UBQLN4: variants seen among roughly 807,000 people sequenced by gnomAD.
The protein encoded by UBQLN4 is ubiquilin-4.
In UBQLN4, 11 loss-of-function variants were observed where a neutral mutation model predicts 60.4. That is an observed-to-expected ratio of 0.18 (90% confidence interval 0.11 to 0.30). The LOEUF is 0.30. UBQLN4 is among the 10% of genes least tolerant of loss of function. UBQLN4 has a pLI of 1.00. For synonymous variants in UBQLN4, 258 were observed against 313.1 expected, an observed-to-expected ratio of 0.82 and a Z score of 1.86; for missense variants, 417 against 795.5, an observed-to-expected ratio of 0.52 and a Z score of 5.72.
In UBQLN4 at chr1:156,048,331, C is replaced by A. The variant is rs1485827558; in HGVS notation, c.900+170G>T. On this transcript the variant is annotated intron_variant, in intron 5 of 10. Transcript: ENST00000368309. The surrounding 1 kb of genome is among the most constrained non-coding windows in gnomAD (Gnocchi z 4.9). ...GGACCTCTGCTTATATTTGTCCATGCCAAAATGGACCATCCCCGGATATGT... is the reference window on the plus strand; with the variant it reads ...GGACCTCTGCTTATATTTGTCCATGACAAAATGGACCATCCCCGGATATGT... Among the ~76,000 whole-genome samples the A allele has an allele frequency of 6.6e-6, 1 of 152,182 alleles. No homozygotes were observed. The highest frequency in any genetic ancestry group is 1.5e-5 in the Non-Finnish European group (1 of 68,020).
chr1:156,051,537 G>A (rs1683871755), intron 2 of UBQLN4, among the ~76,000 whole-genome samples, 169 bp downstream of exon 2: 1 of 152,136 alleles, frequency 6.6e-6, no homozygotes, highest in South Asian at 2.1e-4. Flanking sequence ...AGGGCATTCT[G>A]GGAATGGTAA....
intron 1 of UBQLN4, 113 bp from the exon 2 acceptor site, chr1:156,051,970 GA>G: frequency 2.2e-6 from 3 of 1,377,776 alleles, no homozygotes; most frequent in Non-Finnish European, 3.0e-6. Flanking sequence ...CTAGTCATGG[GA>G]AGTCCTTTCT....
rs988978252 is a variant in UBQLN4 at position 156,035,997 on chromosome 1, G to T, written c.*981C>A. On this transcript the variant is annotated 3_prime_UTR_variant, in exon 11 of 11. Transcript: ENST00000368309. ...GGGGGGCTCAAACTACTGGTGCCTGGGGACACAAGCAAGACCTGGGTCCAT... is the reference window on the plus strand; with the variant it reads ...GGGGGGCTCAAACTACTGGTGCCTGTGGACACAAGCAAGACCTGGGTCCAT... The T allele has an allele frequency of 9.1e-6, 9 of 985,706 alleles. No homozygotes were observed. Among genetic ancestry groups the T allele is most frequent in the Non-Finnish European group, 9.6e-6 (8 of 830,084 alleles). The allele number at this position is 985,706 out of a possible 1,614,324, so 61.1% of individuals were successfully genotyped here. A position where few individuals can be genotyped will look rare whatever the true frequency, so the allele number is the denominator to read the frequency against.
intron 7 of UBQLN4, chr1:156,042,515 G>A (rs902342411): frequency 2.7e-5 from 33 of 1,203,362 alleles, no homozygotes; most frequent in Middle Eastern, 2.9e-4. Flanking sequence ...TCTGTCACAC[G>A]CCATGTTCTA....
intron 5 of UBQLN4, among the ~76,000 whole-genome samples, chr1:156,046,545 T>TAA (rs59598606): frequency 7.7e-6 from 1 of 129,880 alleles, no homozygotes; most frequent in African/African-American, 2.9e-5. Flanking sequence ...AAGGTTGTAT[T>TAA]AAAAAAAAAA....
rs1353287814 is a variant in UBQLN4 at position 156,036,046 on chromosome 1, T to C, written c.*932A>G. 1.4e-5 allele frequency: 14 copies of C among 985,498 alleles called. No homozygotes were observed. The highest frequency in any genetic ancestry group is 1.7e-5 in the African/African-American group (1 of 57,246). The allele number at this position is 985,498 out of a possible 1,614,324, so 61.0% of individuals were successfully genotyped here. A position where few individuals can be genotyped will look rare whatever the true frequency, so the allele number is the denominator to read the frequency against. Reference sequence around the variant, plus strand: ...ATGGAAATGTGTGTGTGTGTGCATATAAGCACATATGCTTGAGGAACTAAA... The same window carrying C: ...ATGGAAATGTGTGTGTGTGTGCATACAAGCACATATGCTTGAGGAACTAAA... On this transcript the variant is annotated 3_prime_UTR_variant, in exon 11 of 11. Transcript: ENST00000368309.
chr1:156,040,566 C>T (rs953530102), intron 10 of UBQLN4, among the ~76,000 whole-genome samples: 2 of 151,568 alleles, frequency 1.3e-5, no homozygotes, highest in Non-Finnish European at 2.9e-5. Flanking sequence ...CTGCGTCAGC[C>T]TCCTGAGTAG....
chr1:156,041,777 C>T, intron 9 of UBQLN4, 95 bp downstream of exon 9: 1 of 1,461,194 alleles, frequency 6.8e-7, no homozygotes, highest in Non-Finnish European at 9.1e-7. Context: ...AACAGACCCT[C>T]AGAGACACAA....
chr1:156,036,286 C>A lies in UBQLN4; in HGVS notation c.*692G>T. ...CCCATTCCCTTCCTCCGAATAATCT[C>A]ATTCCCTCCTCTTTCACACGAATTT... On this transcript the variant is annotated 3_prime_UTR_variant, in exon 11 of 11. Transcript: ENST00000368309. 1.0e-6 allele frequency: 1 copy of A among 985,642 alleles called. No individual in the cohort carries two copies. The allele number at this position is 985,642 out of a possible 1,614,324, so 61.1% of individuals were successfully genotyped here.
chr1:156,051,567 G>A, intron 2 of UBQLN4, 139 bp downstream of exon 2: 1 of 1,304,268 alleles, frequency 7.7e-7, no homozygotes, highest in Non-Finnish European at 1.1e-6. Context: ...CCTTCCCCTA[G>A]AGATGAGATC....
intron 5 of UBQLN4, among the ~76,000 whole-genome samples, chr1:156,046,121 T>C (rs79918764): frequency 0.16 from 24,369 of 151,800 alleles, 2,132 homozygotes; most frequent in Middle Eastern, 0.27. Flanking sequence ...GCTGAGATTA[T>C]AGGCATGCGC....
downstream of UBQLN4, among the ~76,000 whole-genome samples, chr1:156,034,825 C>A (rs1217788843): frequency 4.2e-3 from 195 of 46,376 alleles, 1 homozygote; most frequent in Middle Eastern, 0.05. Context: ...CCTTAACCTT[C>A]TATATATATA....
rs1179250365 is a variant in UBQLN4 at position 156,035,702 on chromosome 1, T to C, written c.*1276A>G. On this transcript the variant is annotated 3_prime_UTR_variant, in exon 11 of 11. Coordinates refer to ENST00000368309, the MANE Select transcript of UBQLN4 (RefSeq NM_020131.5). The stretch of plus-strand genomic sequence containing the variant: ...CAGTGAGGGGTGATAAGGGTGCTAG[T>C]CACAGCCCTGACAGCTTCAGAAAGG... 3.0e-6 allele frequency: 3 copies of C among 984,840 alleles called. No homozygotes were observed. Among genetic ancestry groups the C allele is most frequent in the African/African-American group, 1.8e-5 (1 of 57,132 alleles). The allele number at this position is 984,840 out of a possible 1,614,324, so 61.0% of individuals were successfully genotyped here.
chr1:156,052,460 G>A (rs1683898095), intron 1 of UBQLN4, among the ~76,000 whole-genome samples: 1 of 152,148 alleles, frequency 6.6e-6, no homozygotes, highest in Non-Finnish European at 1.5e-5. Context: ...CCGAGTGTCT[G>A]GGACTACAGG....
chr1:156,032,884 C>A (rs1683318979), downstream of UBQLN4, among the ~76,000 whole-genome samples: 1 of 152,122 alleles, frequency 6.6e-6, no homozygotes, highest in Non-Finnish European at 1.5e-5. Context: ...GGTTTGCATT[C>A]TCCAGATGAG....
intron 1 of UBQLN4, among the ~76,000 whole-genome samples, chr1:156,052,342 C>A (rs996788199): frequency 1.3e-5 from 2 of 152,138 alleles, no homozygotes; most frequent in African/African-American, 4.8e-5. Flanking sequence ...TTATTTTTAT[C>A]TTGAGATGGA....
chr1:156,032,684 C>T (rs1442858132), downstream of UBQLN4, among the ~76,000 whole-genome samples: 2 of 152,066 alleles, frequency 1.3e-5, no homozygotes, highest in Non-Finnish European at 2.9e-5. Context: ...GAGAGATGGG[C>T]GCTTGGTTTA....
intron 1 of UBQLN4, among the ~76,000 whole-genome samples, chr1:156,052,662 G>T (rs1396099543): frequency 6.6e-6 from 1 of 152,170 alleles, no homozygotes; most frequent in Non-Finnish European, 1.5e-5. Flanking sequence ...GAGGATCAGC[G>T]AGGTAAGGTA....
At position 156,041,487 on chromosome 1, in the gene UBQLN4, G is replaced by A; in HGVS notation, c.1651C>T (p.Gln551Ter). Residue 551 changes from glutamine to a stop codon, truncating the protein, a stop_gained and splice_region_variant, in exon 10 of 11, where the codon CAG (glutamine) becomes TAG (stop). Coordinates refer to ENST00000368309, the MANE Select transcript of UBQLN4 (RefSeq NM_020131.5). LOFTEE classifies it high-confidence loss of function. ...CCTGCCCCCACTGCCTCATGTACCTGTGAGTTTCCACTTCCAGCCAAAAGC... is the reference window on the plus strand; with the variant it reads ...CCTGCCCCCACTGCCTCATGTACCTATGAGTTTCCACTTCCAGCCAAAAGC... ...IQLLAGSGNS[Q>*]VQTPEVRFQQ... The A allele has an allele frequency of 6.3e-7, 1 of 1,593,116 alleles. No homozygotes were observed. Among genetic ancestry groups the A allele is most frequent in the Non-Finnish European group, 8.5e-7 (1 of 1,170,208 alleles).
Sources: gnomAD v4.1 joint callset for allele counts (sites outside exome capture counted in the v4.1 genomes callset) on GRCh38, gnomAD v4.1.1 for gene constraint, Gnocchi (gnomAD v3.1) non-coding constraint, MANE v1.5 for transcripts, NCBI Gene and HGNC (gene_info 2026-07-23, HGNC 2026-07-21) for gene names.